TMEM132D: variants seen among roughly 807,000 people sequenced by gnomAD.
TMEM132D encodes transmembrane protein 132D, also known as mature OL transmembrane protein.
A neutral mutation model predicts 62.3 loss-of-function variants in TMEM132D; 21 were observed. The ratio of observed to expected loss-of-function variants is 0.34; its 90% CI spans 0.24 to 0.49. The LOEUF (loss-of-function observed/expected upper bound fraction) is 0.49, where lower values mean the gene tolerates loss of function less well. Among genes scored for constraint, TMEM132D ranks in the 20% least tolerant of loss-of-function variants. The probability of loss-of-function intolerance (pLI) is 0.99; values close to 1 mark genes in which losing one functional copy is unlikely to be tolerated. For synonymous variants in TMEM132D, 621 were observed against 575.6 expected (o/e 1.08, Z -1.13); for missense variants, 1,346 against 1,402.8 (o/e 0.96, Z 0.65).
At chr12:129,121,071 C>T (rs1316137452) in intron 5 of TMEM132D, among the ~76,000 whole-genome samples, 1 of 151,734 alleles carries the variant, frequency 6.6e-6, no homozygotes, top group East Asian at 1.9e-4. Flanking sequence ...TACTAATCAG[C>T]TGATTTTATT....
intron 1 of TMEM132D, among the ~76,000 whole-genome samples, chr12:129,719,941 A>G (rs75758999): frequency 0.017 from 2,577 of 152,238 alleles, 103 homozygotes; most frequent in East Asian, 0.13. Context: ...TTCAAATTTT[A>G]TGAGTGATCT....
At chr12:129,129,742 C>T (rs1001308813) in intron 5 of TMEM132D, among the ~76,000 whole-genome samples, 1 of 152,030 alleles carries the variant, frequency 6.6e-6, no homozygotes, top group Non-Finnish European at 1.5e-5. Flanking sequence ...TGATGATGAG[C>T]TATGTGGGGC....
chr12:129,723,363 A>G (rs929533672), intron 1 of TMEM132D, among the ~76,000 whole-genome samples: 5 of 152,142 alleles, frequency 3.3e-5, no homozygotes, highest in African/African-American at 7.2e-5. Flanking sequence ...CTGTCCATGC[A>G]GTCGCTCTCT....
Position 129,229,941 on chromosome 12 carries a change from G to A in TMEM132D, c.1300-20278C>T, listed in dbSNP as rs79565675. Among the ~76,000 whole-genome samples, 49 of 152,280 alleles carry A rather than the reference G, an allele frequency of 3.2e-4. No individual in the cohort carries two copies. In the East Asian group the frequency reaches 9.3e-3, roughly 29 times the overall value. On this transcript the variant is annotated intron_variant, in intron 4 of 8. Coordinates refer to ENST00000422113, the MANE Select transcript of TMEM132D (RefSeq NM_133448.3). The stretch of plus-strand genomic sequence containing the variant: ...AGTTTGGCCCTGGAATACATTAAGT[G>A]CATTTTCTTGCCTTCACCAGACAAC...
chr12:129,487,764 G>A (rs1350371333), intron 3 of TMEM132D, among the ~76,000 whole-genome samples: 2 of 151,412 alleles, frequency 1.3e-5, no homozygotes, highest in Non-Finnish European at 2.9e-5. Context: ...GTGAAACCCC[G>A]TCTCTACTAA....
intron 3 of TMEM132D, among the ~76,000 whole-genome samples, chr12:129,419,500 AG>A (rs1384308736): frequency 6.6e-6 from 1 of 150,718 alleles, no homozygotes. Flanking sequence ...TAGCAGAAGG[AG>A]GATGGTAAGG....
At chr12:129,522,047 G>C (rs181536208) in intron 3 of TMEM132D, among the ~76,000 whole-genome samples, 31 of 152,216 alleles carry the variant, frequency 2.0e-4, no homozygotes, top group Non-Finnish European at 3.7e-4. Flanking sequence ...TAACGCAAGA[G>C]CTTAACGAAG....
intron 3 of TMEM132D, among the ~76,000 whole-genome samples, chr12:129,431,275 G>T (rs983550472): frequency 6.6e-6 from 1 of 152,188 alleles, no homozygotes; most frequent in Admixed American, 6.5e-5. Context: ...AGTCTGTGTT[G>T]TTCCCACTGC....
chr12:129,648,918 G>A (rs1234357308), intron 2 of TMEM132D, among the ~76,000 whole-genome samples: 1 of 151,990 alleles, frequency 6.6e-6, no homozygotes, highest in Non-Finnish European at 1.5e-5. Context: ...TGTAGAATGC[G>A]GGCCAAACTG....
At chr12:129,688,793 A>AG (rs1167842886) in intron 2 of TMEM132D, among the ~76,000 whole-genome samples, 1 of 152,112 alleles carries the variant, frequency 6.6e-6, no homozygotes, top group Non-Finnish European at 1.5e-5. Flanking sequence ...ACTAAATGAT[A>AG]TGTGCAATTT....
intron 4 of TMEM132D, among the ~76,000 whole-genome samples, chr12:129,231,346 C>T (rs1879634359): frequency 6.6e-6 from 1 of 152,174 alleles, no homozygotes; most frequent in Non-Finnish European, 1.5e-5. Flanking sequence ...TTTTAATCCA[C>T]GTTGGAAGCA....
At chr12:129,167,432 T>C (rs374357148) in intron 5 of TMEM132D, among the ~76,000 whole-genome samples, 1 of 152,116 alleles carries the variant, frequency 6.6e-6, no homozygotes, top group Admixed American at 6.6e-5. Flanking sequence ...AACCAGACTG[T>C]TGGTGCCTGG....
intron 5 of TMEM132D, among the ~76,000 whole-genome samples, chr12:129,171,812 G>A (rs554257846): frequency 3.9e-5 from 6 of 152,336 alleles, no homozygotes; most frequent in Admixed American, 3.3e-4. Context: ...CAGATACGCT[G>A]CGATACAGGC....
At chr12:129,238,402 T>C (rs796520572) in intron 4 of TMEM132D, among the ~76,000 whole-genome samples, 1 of 152,336 alleles carries the variant, frequency 6.6e-6, no homozygotes, top group African/African-American at 2.4e-5. Context: ...GATAAGTATA[T>C]TCACATCGTT....
At chr12:129,407,777 C>CT (rs1871837516) in intron 3 of TMEM132D, among the ~76,000 whole-genome samples, 1 of 151,554 alleles carries the variant, frequency 6.6e-6, no homozygotes, top group African/African-American at 2.4e-5. Context: ...TGGCGGGTGC[C>CT]TGTAGTCCCA....
chr12:129,163,179 T>C (rs1458643311), intron 5 of TMEM132D, among the ~76,000 whole-genome samples: 1 of 152,184 alleles, frequency 6.6e-6, no homozygotes, highest in Non-Finnish European at 1.5e-5. Context: ...CCTTAAGAAA[T>C]TAGTTTTCAA....
chr12:129,078,456 C>A, intron 8 of TMEM132D, 78 bp downstream of exon 8: 1 of 1,462,240 alleles, frequency 6.8e-7, no homozygotes, highest in Non-Finnish European at 9.4e-7. Context: ...TGCGACCCGC[C>A]TGGCGTGGTG....
At chr12:129,123,598 T>C (rs1479723484) in intron 5 of TMEM132D, among the ~76,000 whole-genome samples, 1 of 148,118 alleles carries the variant, frequency 6.8e-6, no homozygotes, top group Admixed American at 6.7e-5. Context: ...TGACTTTATG[T>C]GTCAACTTGA....
At chr12:129,891,436 G>A (rs1874920904) in intron 1 of TMEM132D, among the ~76,000 whole-genome samples, 1 of 152,160 alleles carries the variant, frequency 6.6e-6, no homozygotes, top group African/African-American at 2.4e-5. Context: ...AGTTTTCTAG[G>A]CATACAGAAG....
Sources: gnomAD v4.1 joint callset for allele counts (sites outside exome capture counted in the v4.1 genomes callset) on GRCh38, gnomAD v4.1.1 for gene constraint, MANE v1.5 for transcripts, NCBI Gene and HGNC (gene_info 2026-07-23, HGNC 2026-07-21) for gene names.